Variants in KCTD8 observed in about 807,000 individuals in gnomAD.
The protein encoded by KCTD8 is potassium channel tetramerization domain containing 8.
A neutral mutation model predicts 31.5 loss-of-function variants in KCTD8; 27 were observed. That is an observed-to-expected ratio of 0.86 (90% CI 0.63 to 1.18). KCTD8 has a LOEUF of 1.18. Among genes scored for constraint, KCTD8 ranks in the 50% most tolerant of loss-of-function variants. KCTD8 has a pLI of 0.00. For synonymous variants in KCTD8, 290 were observed against 280.0 expected (o/e 1.04, Z -0.36); for missense variants, 658 against 647.7 (o/e 1.02, Z -0.17).
chr4:44,218,231 T>C (rs1410597579), intron 1 of KCTD8, among the ~76,000 whole-genome samples: 1 of 147,088 alleles, frequency 6.8e-6, no homozygotes, highest in African/African-American at 2.5e-5. Flanking sequence ...CCTCCTGAGT[T>C]CAAGCAATTC....
At chr4:44,419,281 A>G (rs1435866022) in intron 1 of KCTD8, among the ~76,000 whole-genome samples, 2 of 152,206 alleles carry the variant, frequency 1.3e-5, no homozygotes, top group Non-Finnish European at 2.9e-5. Flanking sequence ...AACAGAGGAA[A>G]TCAATAGAGC....
At chr4:44,310,562 GGC>G (rs1553900582) in intron 1 of KCTD8, among the ~76,000 whole-genome samples, 1 of 151,980 alleles carries the variant, frequency 6.6e-6, no homozygotes, top group Non-Finnish European at 1.5e-5. Flanking sequence ...CAAGATCATA[GGC>G]TTTCTATTTT....
At chr4:44,199,214 C>T (rs1714054474) in intron 1 of KCTD8, among the ~76,000 whole-genome samples, 1 of 152,004 alleles carries the variant, frequency 6.6e-6, no homozygotes, top group Non-Finnish European at 1.5e-5. Flanking sequence ...TACTGTAACA[C>T]CCCACTGATA....
chr4:44,323,607 A>ATT (rs535512949), intron 1 of KCTD8, among the ~76,000 whole-genome samples: 2 of 151,062 alleles, frequency 1.3e-5, no homozygotes, highest in African/African-American at 2.4e-5. Context: ...GGATCCTTTG[A>ATT]TTTTTTTATC....
At chr4:44,384,111 T>G (rs1256525028) in intron 1 of KCTD8, among the ~76,000 whole-genome samples, 2 of 150,708 alleles carry the variant, frequency 1.3e-5, no homozygotes, top group Admixed American at 1.3e-4. Flanking sequence ...TACAATGAGA[T>G]ATCTTCTCAC....
intron 1 of KCTD8, among the ~76,000 whole-genome samples, chr4:44,413,797 T>G (rs1189117248): frequency 1.3e-5 from 2 of 151,662 alleles, no homozygotes; most frequent in Non-Finnish European, 2.9e-5. Context: ...AAATTCAGGA[T>G]TTTAAGGTGG....
intron 1 of KCTD8, among the ~76,000 whole-genome samples, chr4:44,351,042 G>A (rs1462621694): frequency 3.3e-5 from 5 of 151,882 alleles, no homozygotes; most frequent in East Asian, 1.9e-4. Flanking sequence ...TTAGATCCTC[G>A]GCTTCCCTGA....
intron 1 of KCTD8, among the ~76,000 whole-genome samples, chr4:44,422,292 T>C (rs1398013599): frequency 6.6e-6 from 1 of 152,104 alleles, no homozygotes; most frequent in Non-Finnish European, 1.5e-5. Context: ...GAGGATTTTC[T>C]TTTTTCCATT....
chr4:44,439,429 T>G (rs922322502), intron 1 of KCTD8, among the ~76,000 whole-genome samples: 3 of 152,192 alleles, frequency 2.0e-5, no homozygotes, highest in Non-Finnish European at 4.4e-5. Context: ...TGAACATACA[T>G]TTAACTAAGT....
intron 1 of KCTD8, among the ~76,000 whole-genome samples, chr4:44,291,133 C>T (rs764325906): frequency 2.0e-5 from 3 of 152,048 alleles, no homozygotes; most frequent in Non-Finnish European, 4.4e-5. Flanking sequence ...GATAGCATTA[C>T]AATTGATCCC....
rs115710501 is a variant in KCTD8 at position 44,254,598 on chromosome 4, A to G, written c.962-79348T>C. 6.3e-3 allele frequency among the ~76,000 whole-genome samples: 950 copies of G among 151,728 alleles called. 9 individuals carry two copies. The highest frequency in any genetic ancestry group is 0.01 in the Non-Finnish European group (699 of 67,782). ...ATCTCAGTCACTTCTGTAGCCCTCAATTCTGATCTATGCCTTTTTAGCCTC... is the reference window on the plus strand; with the variant it reads ...ATCTCAGTCACTTCTGTAGCCCTCAGTTCTGATCTATGCCTTTTTAGCCTC... On this transcript the variant is annotated intron_variant, in intron 1 of 1. Transcript: ENST00000360029.
At chr4:44,229,404 A>C (rs767034085) in intron 1 of KCTD8, among the ~76,000 whole-genome samples, 14 of 152,226 alleles carry the variant, frequency 9.2e-5, no homozygotes, top group Non-Finnish European at 1.6e-4. Context: ...AAAATGGCAG[A>C]GTATGACCTT....
At chr4:44,247,463 T>C (rs1299877944) in intron 1 of KCTD8, among the ~76,000 whole-genome samples, 1 of 151,784 alleles carries the variant, frequency 6.6e-6, no homozygotes, top group Non-Finnish European at 1.5e-5. Flanking sequence ...TGTGTGTGCG[T>C]GTGTGTGTGG....
At chr4:44,387,509 G>A (rs1270482808) in intron 1 of KCTD8, among the ~76,000 whole-genome samples, 2 of 151,802 alleles carry the variant, frequency 1.3e-5, no homozygotes, top group Non-Finnish European at 2.9e-5. Flanking sequence ...CATAGCACTG[G>A]TACAAGAACA....
At chr4:44,346,701 T>C (rs1389969549) in intron 1 of KCTD8, among the ~76,000 whole-genome samples, 1 of 152,126 alleles carries the variant, frequency 6.6e-6, no homozygotes, top group East Asian at 1.9e-4. Flanking sequence ...AAGAGAAGTG[T>C]CATGGTGACT....
At chr4:44,283,488 T>C (rs1258475180) in intron 1 of KCTD8, among the ~76,000 whole-genome samples, 1 of 152,146 alleles carries the variant, frequency 6.6e-6, no homozygotes, top group Non-Finnish European at 1.5e-5. Context: ...CAGCTTATGA[T>C]TTTAAGTTAA....
intron 1 of KCTD8, among the ~76,000 whole-genome samples, chr4:44,353,518 A>G (rs1281360215): frequency 2.0e-5 from 3 of 152,074 alleles, no homozygotes; most frequent in Non-Finnish European, 4.4e-5. Context: ...CTAAAATATC[A>G]TTAACTACAG....
chr4:44,298,406 G>GCCCC (rs140926683), intron 1 of KCTD8, among the ~76,000 whole-genome samples: 5 of 149,844 alleles, frequency 3.3e-5, no homozygotes, highest in African/African-American at 9.8e-5. Flanking sequence ...CTAATGATCT[G>GCCCC]CCCCCCCCAC....
chr4:44,390,476 A>G (rs1049971309), intron 1 of KCTD8, among the ~76,000 whole-genome samples: 1 of 151,912 alleles, frequency 6.6e-6, no homozygotes, highest in African/African-American at 2.4e-5. Context: ...TAAGTTCTCT[A>G]TACTGTTTCA....
Sources: gnomAD v4.1 joint callset for allele counts (sites outside exome capture counted in the v4.1 genomes callset) on GRCh38, gnomAD v4.1.1 for gene constraint, MANE v1.5 for transcripts, NCBI Gene and HGNC (gene_info 2026-07-23, HGNC 2026-07-21) for gene names.